TRAF3IP2: variants seen among roughly 807,000 people sequenced by gnomAD.
TRAF3IP2 encodes TRAF3 interacting protein 2, also known as E3 ubiquitin ligase TRAF3IP2.
A neutral mutation model predicts 57.9 loss-of-function variants in TRAF3IP2; 35 were observed. The observed-to-expected ratio is 0.60, with a 90% confidence interval of 0.46 to 0.80. The LOEUF (loss-of-function observed/expected upper bound fraction) is 0.80. Among genes scored for constraint, TRAF3IP2 ranks in the 30% least tolerant of loss-of-function variants. The pLI is 0.00. For missense variants in TRAF3IP2, 556 were observed against 706.4 expected, an observed-to-expected ratio of 0.79 and a Z score of 2.41; for synonymous variants, 251 against 268.9, an observed-to-expected ratio of 0.93 and a Z score of 0.65.
At position 111,562,954 on chromosome 6, in the gene TRAF3IP2, T is replaced by C. The variant is rs562543597; in HGVS notation, c.1551+11A>G. On this transcript the variant is annotated intron_variant, in intron 8 of 8. Coordinates refer to ENST00000368761, the MANE Select transcript of TRAF3IP2 (RefSeq NM_147686.4). Reference sequence around the variant, plus strand: ...TTGAATTATGAGGATTTTGTTTCTTTGTTTGTTTACCTTCTTAGCATTTGG... The same window carrying C: ...TTGAATTATGAGGATTTTGTTTCTTCGTTTGTTTACCTTCTTAGCATTTGG... 7 of 1,602,738 alleles carry C rather than the reference T, an allele frequency of 4.4e-6. No homozygotes were observed. The South Asian group carries it at 7.8e-5, about 18-fold the overall frequency.
intron 3 of TRAF3IP2, among the ~76,000 whole-genome samples, chr6:111,577,328 G>A (rs144992752): frequency 5.4e-4 from 82 of 152,148 alleles, no homozygotes; most frequent in South Asian, 2.9e-3. Context: ...ACAATACCAT[G>A]GAAATTAATG....
rs1374219275 is a variant in TRAF3IP2, at chr6:111,555,729, GATGA to G, written c.*3672_*3675del. Among the ~76,000 whole-genome samples, 2 of 152,150 alleles carry G rather than the reference GATGA, an allele frequency of 1.3e-5. No homozygotes were observed. The highest frequency in any genetic ancestry group is 4.8e-5 in the African/African-American group (2 of 41,442). ...CACTTCCACCCCAAAAATATCTAAA[GATGA>G]ATGCCTGAGGACCAGCATAACATCT... On this transcript the variant is annotated 3_prime_UTR_variant, in exon 9 of 9. Coordinates refer to ENST00000368761, the MANE Select transcript of TRAF3IP2 (RefSeq NM_147686.4).
chr6:111,582,745 A>T (rs574585428), intron 2 of TRAF3IP2, among the ~76,000 whole-genome samples: 235 of 152,266 alleles, frequency 1.5e-3, no homozygotes, highest in African/African-American at 5.4e-3. Context: ...ACCCAGCTGT[A>T]GCTAGAACCG....
intron 5 of TRAF3IP2, among the ~76,000 whole-genome samples, chr6:111,568,250 C>T (rs4947123): frequency 1 from 152,312 of 152,344 alleles, 76,140 homozygotes; most frequent in Middle Eastern, 1. Context: ...ATTACTGAAA[C>T]GGTAGGGAAG....
At chr6:111,603,656 TCTC>T (rs201765152) in intron 1 of TRAF3IP2, among the ~76,000 whole-genome samples, 2,520 of 152,288 alleles carry the variant, frequency 0.017, 69 homozygotes, top group African/African-American at 0.058. Flanking sequence ...ATGACTGTCT[TCTC>T]CTCTTCTTTT....
intron 3 of TRAF3IP2, among the ~76,000 whole-genome samples, chr6:111,579,650 T>G (rs1289734611): frequency 6.6e-6 from 1 of 152,148 alleles, no homozygotes; most frequent in Non-Finnish European, 1.5e-5. Flanking sequence ...GAGGATCGCT[T>G]GAACCTGTAA....
At chr6:111,577,648 C>G (rs1796029081) in intron 3 of TRAF3IP2, among the ~76,000 whole-genome samples, 1 of 152,100 alleles carries the variant, frequency 6.6e-6, no homozygotes, top group African/African-American at 2.4e-5. Flanking sequence ...GCTGGGATTA[C>G]AGGCATGAGC....
At chr6:111,585,129 GT>G (rs1283157074) in intron 2 of TRAF3IP2, among the ~76,000 whole-genome samples, 2 of 152,182 alleles carry the variant, frequency 1.3e-5, no homozygotes, top group Non-Finnish European at 2.9e-5. Flanking sequence ...ATTAATGTCT[GT>G]TCCAACAACC....
chr6:111,595,952 T>C (rs541375504), intron 1 of TRAF3IP2, among the ~76,000 whole-genome samples: 2 of 152,198 alleles, frequency 1.3e-5, no homozygotes, highest in South Asian at 2.1e-4. Flanking sequence ...CTAAGTAACA[T>C]GCAGAAAACC....
intron 6 of TRAF3IP2, 123 bp downstream of exon 6, chr6:111,567,501 T>G: frequency 7.6e-7 from 1 of 1,316,940 alleles, no homozygotes. Context: ...AAGGGAGGCT[T>G]TGTTGGGGCT....
chr6:111,604,495 A>G (rs1258406821), intron 1 of TRAF3IP2, among the ~76,000 whole-genome samples: 2 of 152,236 alleles, frequency 1.3e-5, no homozygotes, highest in East Asian at 1.9e-4. Context: ...AGCACAGACT[A>G]TCCTTCCTGG....
chr6:111,583,276 G>C lies in TRAF3IP2; in HGVS notation c.830-2887C>G, dbSNP rs141065496. The stretch of plus-strand genomic sequence containing the variant: ...AGAAAAAGAGAAGCCATTTAGGACT[G>C]CACAATCTATTAATACTTTCTAGGG... On this transcript the variant is annotated intron_variant, in intron 2 of 8. Transcript: ENST00000368761. Among the ~76,000 whole-genome samples, 559 of 152,316 alleles carry C rather than the reference G, an allele frequency of 3.7e-3. 6 individuals are homozygous for C. Among genetic ancestry groups the C allele is most frequent in the African/African-American group, 0.013 (537 of 41,570 alleles).
At position 111,567,694 on chromosome 6, in the gene TRAF3IP2, T is replaced by G; in HGVS notation, c.1291-2A>C. 6.3e-7 allele frequency: 1 copy of G among 1,597,054 alleles called. No homozygotes were observed. The highest frequency in any genetic ancestry group is 8.5e-7 in the Non-Finnish European group (1 of 1,174,404). On this transcript the variant is annotated splice_acceptor_variant, in intron 5 of 8. Transcript: ENST00000368761. LOFTEE classifies it high-confidence loss of function. ...GATTCTATCCTCAAATATGTCAATC[T>G]GCAAAAAAAAAGATGTGGGAGTTGG...
chr6:111,581,299 G>A (rs535791287), intron 2 of TRAF3IP2, among the ~76,000 whole-genome samples: 4 of 152,292 alleles, frequency 2.6e-5, no homozygotes, highest in East Asian at 3.9e-4. Context: ...TGGGAAATAC[G>A]AGAGATGCAA....
intron 1 of TRAF3IP2, among the ~76,000 whole-genome samples, 182 bp from the exon 2 acceptor site, chr6:111,592,276 C>T (rs174381): frequency 0.12 from 17,782 of 152,184 alleles, 1,264 homozygotes; most frequent in Middle Eastern, 0.22. Context: ...AGCACTAATG[C>T]TTATTAAGAT....
chr6:111,568,499 G>A (rs556683958), intron 5 of TRAF3IP2, among the ~76,000 whole-genome samples: 3 of 147,744 alleles, frequency 2.0e-5, no homozygotes, highest in Non-Finnish European at 3.0e-5. Flanking sequence ...GTACGTGCAC[G>A]TGTGTGTTTA....
At chr6:111,603,709 C>T (rs970067297) in intron 1 of TRAF3IP2, among the ~76,000 whole-genome samples, 5 of 152,188 alleles carry the variant, frequency 3.3e-5, no homozygotes, top group East Asian at 1.9e-4. Flanking sequence ...TCCTTAATCC[C>T]AGGAGAAGCA....
At chr6:111,601,723 G>T (rs1254309452) in intron 1 of TRAF3IP2, 1 of 152,236 alleles carries the variant, frequency 6.6e-6, no homozygotes, top group South Asian at 2.1e-4. Flanking sequence ...ACATTAAAAA[G>T]AAATCTATAA....
At chr6:111,588,991 C>G (rs112055838) in intron 2 of TRAF3IP2, among the ~76,000 whole-genome samples, 1,603 of 150,928 alleles carry the variant, frequency 0.011, 36 homozygotes, top group African/African-American at 0.037. Context: ...AATATGAAAA[C>G]TTTTTCTTTT....
Sources: allele counts gnomAD v4.1 joint callset (sites outside exome capture counted in the v4.1 genomes callset), GRCh38; gene constraint gnomAD v4.1.1; transcripts MANE v1.5; gene names NCBI Gene and HGNC (gene_info 2026-07-23, HGNC 2026-07-21).